The following SHPRH variants were observed in gnomAD, a reference collection of about 807,000 sequenced individuals.
SHPRH encodes the protein E3 ubiquitin-protein ligase SHPRH.
A neutral mutation model predicts 202.5 loss-of-function variants in SHPRH; 106 were observed. The observed-to-expected ratio is 0.52, with a 90% CI of 0.45 to 0.62. SHPRH has a LOEUF of 0.62. SHPRH is among the 20% of genes least tolerant of loss of function. The pLI is 0.00. For synonymous variants in SHPRH, 729 were observed against 686.0 expected, an observed-to-expected ratio of 1.06 and a Z score of -0.98; for missense variants, 1,710 against 2,020.0, an observed-to-expected ratio of 0.85 and a Z score of 2.94.
chr6:145,924,710 C>A, intron 17 of SHPRH, 29 bp downstream of exon 17: 1 of 1,592,608 alleles, frequency 6.3e-7, no homozygotes, highest in Non-Finnish European at 8.6e-7. Flanking sequence ...GAGGCAAATA[C>A]AAGTAAGAAA....
At chr6:145,919,759 C>T (rs1416294816) in intron 21 of SHPRH, among the ~76,000 whole-genome samples, 1 of 152,062 alleles carries the variant, frequency 6.6e-6, no homozygotes, top group African/African-American at 2.4e-5. Flanking sequence ...CAGTTTTAGG[C>T]TGACAGAATC....
intron 11 of SHPRH, among the ~76,000 whole-genome samples, chr6:145,939,743 A>C (rs1786537724): frequency 6.6e-6 from 1 of 152,178 alleles, no homozygotes; most frequent in African/African-American, 2.4e-5. Context: ...GTAACATTTA[A>C]GTGATGCAAA....
intron 28 of SHPRH, among the ~76,000 whole-genome samples, chr6:145,893,006 A>T (rs746889553): frequency 2.0e-5 from 3 of 152,018 alleles, no homozygotes; most frequent in Non-Finnish European, 4.4e-5. Flanking sequence ...CTTGGAGAGA[A>T]GGGAGGGTTG....
At chr6:145,952,847 A>G (rs1437857640) in intron 2 of SHPRH, among the ~76,000 whole-genome samples, 1 of 152,098 alleles carries the variant, frequency 6.6e-6, no homozygotes, top group African/African-American at 2.4e-5. Context: ...TATGACATAC[A>G]TGCTAGGAAT....
At chr6:145,954,293 G>C (rs1788271452) in intron 2 of SHPRH, among the ~76,000 whole-genome samples, 2 of 152,086 alleles carry the variant, frequency 1.3e-5, no homozygotes, top group Admixed American at 6.6e-5. Context: ...GGAGGAACTT[G>C]TGTGCCAGAT....
chr6:145,886,598 G>A lies in SHPRH; in HGVS notation c.*93C>T, dbSNP rs2128706206. ...TCATTCAACTAGGAACAGTGTTACT[G>A]TTATCTACTGGGTTTTTAAAACTTG... On this transcript the variant is annotated 3_prime_UTR_variant, in exon 30 of 30. Coordinates refer to ENST00000275233, the MANE Select transcript of SHPRH (RefSeq NM_001042683.3). The A allele has an allele frequency of 1.9e-6, 3 of 1,552,322 alleles. No individual in the cohort carries two copies. The highest frequency in any genetic ancestry group is 1.8e-4 in the Middle Eastern group (1 of 5,712).
At chr6:145,952,205 C>T (rs537003488) in intron 3 of SHPRH, 144 bp downstream of exon 3, 6 of 707,586 alleles carry the variant, frequency 8.5e-6, no homozygotes, top group Non-Finnish European at 1.3e-5. Context: ...GGGTGCATTT[C>T]AAATAAGTAT....
chr6:145,929,014 A>G (rs1184647104), intron 14 of SHPRH, among the ~76,000 whole-genome samples: 1 of 151,922 alleles, frequency 6.6e-6, no homozygotes, highest in African/African-American at 2.4e-5. Flanking sequence ...GTAGAGAATA[A>G]TTCAATTAAC....
intron 2 of SHPRH, among the ~76,000 whole-genome samples, chr6:145,873,651 T>C (rs769414048): frequency 7.3e-6 from 1 of 137,540 alleles, no homozygotes; most frequent in Non-Finnish European, 1.5e-5. Context: ...TTGCTAAGTG[T>C]CAATGATGAT....
chr6:145,951,024 G>C (rs1414980120), intron 3 of SHPRH, among the ~76,000 whole-genome samples: 1 of 152,064 alleles, frequency 6.6e-6, no homozygotes, highest in Non-Finnish European at 1.5e-5. Context: ...TAAGAAATGG[G>C]TTCTCATTTT....
chr6:145,920,826 G>T (rs1247795723), intron 21 of SHPRH, among the ~76,000 whole-genome samples: 1 of 152,076 alleles, frequency 6.6e-6, no homozygotes, highest in African/African-American at 2.4e-5. Flanking sequence ...ATGCTTGCTT[G>T]TTATTCACAG....
chr6:145,888,871 A>G (rs1313254246), intron 28 of SHPRH, among the ~76,000 whole-genome samples: 1 of 152,154 alleles, frequency 6.6e-6, no homozygotes, highest in Non-Finnish European at 1.5e-5. Context: ...TAGAGCTGAC[A>G]AAACTTAAAA....
chr6:145,950,513 A>G (rs762228988), intron 3 of SHPRH, 31 bp from the exon 4 acceptor site: 1 of 1,596,876 alleles, frequency 6.3e-7, no homozygotes, highest in African/African-American at 1.3e-5. Context: ...GTACTCAAAA[A>G]CTGATAGGTT....
intron 25 of SHPRH, among the ~76,000 whole-genome samples, chr6:145,896,946 A>T (rs556557529): frequency 6.6e-6 from 1 of 152,052 alleles, no homozygotes; most frequent in African/African-American, 2.4e-5. Context: ...ATAAAAAAAG[A>T]GAAATGTTCT....
At chr6:145,951,361 T>C (rs1269344044) in intron 3 of SHPRH, among the ~76,000 whole-genome samples, 2 of 152,178 alleles carry the variant, frequency 1.3e-5, no homozygotes, top group Non-Finnish European at 2.9e-5. Flanking sequence ...AACTAAAAGA[T>C]GACACCAAAA....
rs1789365568 is a variant in SHPRH at position 145,963,851 on chromosome 6, G to A, written c.-153C>T. On this transcript the variant is annotated 5_prime_UTR_variant, in exon 1 of 30. Coordinates refer to ENST00000275233, the MANE Select transcript of SHPRH (RefSeq NM_001042683.3). ...CGCGAGGCCAAGGAGCGTGACGACG[G>A]ACTCCCGGATCCTAGTGTGTTGGAC... is the stretch of plus-strand genomic sequence containing the variant. 1 of 152,260 alleles carries A rather than the reference G, an allele frequency of 6.6e-6. No homozygotes were observed. Among genetic ancestry groups the A allele is most frequent in the Non-Finnish European group, 1.5e-5 (1 of 68,066 alleles). 9.4% of individuals were successfully genotyped at this position (152,260 alleles called of 1,614,324 possible).
At chr6:145,962,990 T>TA (rs1484003009) in intron 1 of SHPRH, among the ~76,000 whole-genome samples, 1 of 152,234 alleles carries the variant, frequency 6.6e-6, no homozygotes, top group East Asian at 1.9e-4. Context: ...CTCTTAATAA[T>TA]AAAAGTTTTG....
chr6:145,904,256 T>C (rs1167026531), intron 25 of SHPRH: 1 of 152,066 alleles, frequency 6.6e-6, no homozygotes, highest in East Asian at 1.9e-4. Context: ...AGAAATAAAT[T>C]TTATATTTCA....
At chr6:145,929,438 T>G (rs1785208959) in intron 14 of SHPRH, among the ~76,000 whole-genome samples, 1 of 152,068 alleles carries the variant, frequency 6.6e-6, no homozygotes, top group African/African-American at 2.4e-5. Context: ...TTTTAGAGTT[T>G]GAAATTAATT....
Sources: allele counts gnomAD v4.1 joint callset (sites outside exome capture counted in the v4.1 genomes callset), GRCh38; gene constraint gnomAD v4.1.1; transcripts MANE v1.5; gene names NCBI Gene and HGNC (gene_info 2026-07-23, HGNC 2026-07-21).